The following STPG2 variants were observed in gnomAD, a reference collection of about 807,000 sequenced individuals.
The protein encoded by STPG2 is sperm-tail PG-rich repeat-containing protein 2.
STPG2 carries 56 observed loss-of-function variants against 54.2 expected under a neutral mutation model. The observed-to-expected ratio is 1.03, with a 90% CI of 0.83 to 1.29. STPG2 has a LOEUF of 1.29. Ranked by LOEUF, STPG2 falls within the 50% of genes most tolerant of loss-of-function variation. The pLI, the probability that STPG2 is intolerant of heterozygous loss-of-function variation, is 0.00. For missense variants in STPG2, 596 were observed against 544.9 expected, an observed-to-expected ratio of 1.09 and a Z score of -0.93; for synonymous variants, 200 against 181.8, an observed-to-expected ratio of 1.10 and a Z score of -0.81.
At chr4:97,965,817 T>C (rs1578738823) in intron 7 of STPG2, among the ~76,000 whole-genome samples, 1 of 152,056 alleles carries the variant, frequency 6.6e-6, no homozygotes, top group South Asian at 2.1e-4. Context: ...AGGAATAGCA[T>C]CAACATCAAC....
chr4:98,037,793 T>A (rs1736821198), intron 5 of STPG2, among the ~76,000 whole-genome samples: 1 of 152,072 alleles, frequency 6.6e-6, no homozygotes, highest in South Asian at 2.1e-4. Context: ...TGTTCCTACA[T>A]ACCAACAATA....
intron 4 of STPG2, among the ~76,000 whole-genome samples, chr4:97,449,881 A>G (rs1385346712): frequency 6.6e-6 from 1 of 152,200 alleles, no homozygotes; most frequent in Non-Finnish European, 1.5e-5. Flanking sequence ...TTGATTTTGC[A>G]TAGATGTCTT....
chr4:97,536,134 C>T (rs559011630), intron 4 of STPG2, among the ~76,000 whole-genome samples: 1 of 152,138 alleles, frequency 6.6e-6, no homozygotes, highest in Non-Finnish European at 1.5e-5. Flanking sequence ...TGCCACCATG[C>T]CTGCAAAATT....
chr4:97,711,813 G>C (rs1043658198), intron 10 of STPG2, among the ~76,000 whole-genome samples: 2 of 151,670 alleles, frequency 1.3e-5, no homozygotes, highest in Non-Finnish European at 2.9e-5. Flanking sequence ...GGGACTACAG[G>C]TGCATGACAC....
At chr4:97,639,742 T>A (rs756675610) in intron 10 of STPG2, among the ~76,000 whole-genome samples, 2 of 152,010 alleles carry the variant, frequency 1.3e-5, no homozygotes, top group Non-Finnish European at 2.9e-5. Context: ...AAACATGCGT[T>A]TAGTGATTAT....
At chr4:97,848,660 G>A (rs577002238) in intron 8 of STPG2, among the ~76,000 whole-genome samples, 19 of 152,046 alleles carry the variant, frequency 1.2e-4, no homozygotes, top group Middle Eastern at 3.4e-3. Context: ...TTAATCCATC[G>A]TGAATTGATT....
At chr4:97,466,028 T>C (rs530817054) in intron 4 of STPG2, among the ~76,000 whole-genome samples, 79 of 152,160 alleles carry the variant, frequency 5.2e-4, no homozygotes, top group African/African-American at 1.3e-3. Context: ...AAACCAAAAA[T>C]AGCCCAATGG....
At chr4:97,460,079 A>C (rs1236071541) in intron 4 of STPG2, among the ~76,000 whole-genome samples, 1 of 152,214 alleles carries the variant, frequency 6.6e-6, no homozygotes, top group Non-Finnish European at 1.5e-5. Flanking sequence ...GTTTAACTAC[A>C]GAGAATTAGC....
At chr4:97,445,546 A>G (rs1044845050) in intron 4 of STPG2, among the ~76,000 whole-genome samples, 4 of 152,224 alleles carry the variant, frequency 2.6e-5, no homozygotes, top group South Asian at 2.1e-4. Context: ...CAATATTATT[A>G]ATGAGATATT....
chr4:97,734,916 C>CA (rs1350056355), intron 9 of STPG2, among the ~76,000 whole-genome samples: 1 of 151,486 alleles, frequency 6.6e-6, no homozygotes, highest in Non-Finnish European at 1.5e-5. Flanking sequence ...ACTAAAAATA[C>CA]AAAAAAATTA....
intron 8 of STPG2, among the ~76,000 whole-genome samples, chr4:97,864,814 C>T (rs1729700834): frequency 6.6e-6 from 1 of 152,072 alleles, no homozygotes; most frequent in Non-Finnish European, 1.5e-5. Flanking sequence ...TGATCTTTGA[C>T]AAACCTGACA....
chr4:97,911,752 A>T (rs1469429912), intron 8 of STPG2, among the ~76,000 whole-genome samples: 1 of 152,076 alleles, frequency 6.6e-6, no homozygotes, highest in Non-Finnish European at 1.5e-5. Flanking sequence ...CAGACATAGC[A>T]TTTCCTGCCT....
At chr4:98,012,848 G>A (rs1025263243) in intron 5 of STPG2, among the ~76,000 whole-genome samples, 2 of 152,142 alleles carry the variant, frequency 1.3e-5, no homozygotes, top group African/African-American at 4.8e-5. Flanking sequence ...AGGAGTTTTG[G>A]GGTTGAGATG....
At chr4:97,918,534 T>A (rs1306760784) in intron 8 of STPG2, among the ~76,000 whole-genome samples, 1 of 151,988 alleles carries the variant, frequency 6.6e-6, no homozygotes, top group Non-Finnish European at 1.5e-5. Context: ...AACTAGTTTT[T>A]TAATTTTCAC....
chr4:97,650,731 G>A (rs72890893), intron 10 of STPG2, among the ~76,000 whole-genome samples: 18,644 of 152,030 alleles, frequency 0.12, 3,259 homozygotes, highest in African/African-American at 0.39. Flanking sequence ...GGATTGGGAG[G>A]GCCTAGAAGA....
chr4:97,921,973 G>C (rs1342188452), intron 8 of STPG2, among the ~76,000 whole-genome samples: 1 of 152,150 alleles, frequency 6.6e-6, no homozygotes, highest in African/African-American at 2.4e-5. Context: ...TAAGGAAATT[G>C]AACTCTTAAA....
chr4:97,885,298 C>A (rs775787180), intron 8 of STPG2, among the ~76,000 whole-genome samples: 1 of 152,148 alleles, frequency 6.6e-6, no homozygotes, highest in Non-Finnish European at 1.5e-5. Flanking sequence ...CCAGCTGCCA[C>A]AACCATAAAA....
At chr4:97,443,272 A>C (rs1729135634) in intron 4 of STPG2, among the ~76,000 whole-genome samples, 1 of 152,160 alleles carries the variant, frequency 6.6e-6, no homozygotes, top group Non-Finnish European at 1.5e-5. Flanking sequence ...CTAAGCTGAG[A>C]CTTTGGCCTT....
In STPG2 at chr4:97,796,206, T is replaced by C. The variant is rs1185646906; in HGVS notation, c.1204+44567A>G. On this transcript the variant is annotated intron_variant, in intron 9 of 10. Coordinates refer to ENST00000295268, the MANE Select transcript of STPG2 (RefSeq NM_174952.3). ...CTGTGCAGAAGCTCTTTAGTTTAAT[T>C]AGATCCCATTTGTCAATTTTGGCTT... Among the ~76,000 whole-genome samples, 9 of 152,208 alleles carry C rather than the reference T, an allele frequency of 5.9e-5. No individual in the cohort carries two copies. In the East Asian group the frequency reaches 1.3e-3, roughly 23 times the overall value.
Sources: gnomAD v4.1 joint callset for allele counts (sites outside exome capture counted in the v4.1 genomes callset) on GRCh38, gnomAD v4.1.1 for gene constraint, MANE v1.5 for transcripts, NCBI Gene and HGNC (gene_info 2026-07-23, HGNC 2026-07-21) for gene names.